Variants in IL11RA observed in about 807,000 individuals in gnomAD.
IL11RA encodes the protein interleukin-11 receptor subunit alpha.
Under a neutral mutation model 57.0 loss-of-function variants are expected in IL11RA, and 51 were observed. That is an observed-to-expected ratio of 0.89 (90% CI 0.71 to 1.13). IL11RA has a LOEUF of 1.13. Ranked by LOEUF, IL11RA falls within the 50% of genes most tolerant of loss-of-function variation. The pLI is 0.00. For missense variants in IL11RA, 498 were observed against 539.4 expected (o/e 0.92, Z 0.76); for synonymous variants, 199 against 217.5 (o/e 0.91, Z 0.75).
Position 34,655,299 on chromosome 9 carries a change from C to A in IL11RA, c.82C>A (p.Gln28Lys). The A allele has an allele frequency of 1.9e-6, 3 of 1,605,802 alleles. No individual in the cohort carries two copies. The highest frequency in any genetic ancestry group is 2.6e-6 in the Non-Finnish European group (3 of 1,174,146). Residue 28 changes from glutamine (Q) to lysine (K), a missense_variant, in exon 2 of 13, where the codon CAG becomes AAG. By Grantham distance (53) the Gln-to-Lys change is moderately conservative. Coordinates refer to ENST00000441545, the MANE Select transcript of IL11RA (RefSeq NM_001142784.3). ...ALVSASSPCPQAWGPPGVQYG... is the reference protein window; with the variant it reads ...ALVSASSPCPKAWGPPGVQYG... ...GGTGTCTGCCTCCTCCCCCTGCCCC[C>A]AGGCCTGGGGCCCCCCAGGTGAGAA... is the stretch of plus-strand genomic sequence containing the variant.
intron 7 of IL11RA, 101 bp downstream of exon 7, chr9:34,657,688 G>T (rs1360935423): frequency 6.8e-6 from 8 of 1,180,282 alleles, no homozygotes; most frequent in African/African-American, 1.5e-5. Flanking sequence ...TCCCAACCTA[G>T]ACTCCATTTC....
chr9:34,655,143 T>A (rs1381197658), intron 1 of IL11RA, 75 bp from the exon 2 acceptor site: 78 of 1,064,826 alleles, frequency 7.3e-5, no homozygotes, highest in Non-Finnish European at 1.0e-4. Flanking sequence ...GAAGCCTCAG[T>A]TTTGGAGAGG....
At position 34,660,331 on chromosome 9, in the gene IL11RA, A is replaced by T; in HGVS notation, c.1010A>T (p.Glu337Val). The T allele has an allele frequency of 6.2e-7, 1 of 1,614,218 alleles. No individual in the cohort carries two copies. The highest frequency in any genetic ancestry group is 8.5e-7 in the Non-Finnish European group (1 of 1,180,020). ...CAGCTACACACGCAGCCAGAGGTGG[A>T]GCCTCAGGTGGACAGCCCTGCTCCT... ...WGQLHTQPEVEPQVDSPAPPR... is the reference protein window; with the variant it reads ...WGQLHTQPEVVPQVDSPAPPR... Residue 337 changes from glutamate (E) to valine (V), a missense_variant, in exon 10 of 13, where the codon GAG (glutamate) becomes GTG (valine). By Grantham distance (121) the Glu-to-Val change is moderately radical. Transcript: ENST00000441545.
chr9:34,660,140 G>A (rs1821424228), intron 9 of IL11RA, 134 bp from the exon 10 acceptor site: 4 of 1,386,732 alleles, frequency 2.9e-6, no homozygotes, highest in Admixed American at 1.7e-5. Flanking sequence ...ATGCTCCCTA[G>A]GAGCTGGCCA....
intron 11 of IL11RA, 120 bp downstream of exon 11, chr9:34,660,720 C>A: frequency 8.7e-7 from 1 of 1,151,328 alleles, no homozygotes; most frequent in Non-Finnish European, 1.3e-6. Flanking sequence ...CTGGAACTAC[C>A]TCCCCATACC....
In IL11RA at chr9:34,660,845, A is replaced by G. The variant is rs1821441907; in HGVS notation, c.1170-9A>G. 6 of 1,613,198 alleles carry G rather than the reference A, an allele frequency of 3.7e-6. No individual in the cohort carries two copies. The highest frequency in any genetic ancestry group is 4.2e-6 in the Non-Finnish European group (5 of 1,179,118). ...TTGTTGGAGAGACAGCTGCCTTTCT[A>G]TGCCCCAGGCTGAGGCTGAGACGGG... On this transcript the variant is annotated splice_polypyrimidine_tract_variant and intron_variant, in intron 11 of 12. Transcript: ENST00000441545.
chr9:34,653,230 G>A lies in IL11RA; in HGVS notation c.-1+997G>A, dbSNP rs1393658030. The stretch of plus-strand genomic sequence containing the variant: ...TGTGTGCGTGTGTGACTGCGTGAGT[G>A]TATGAATATGTGTAAGTGTGTCTGA... On this transcript the variant is annotated intron_variant, in intron 1 of 12. Coordinates refer to ENST00000441545, the MANE Select transcript of IL11RA (RefSeq NM_001142784.3). The surrounding 1 kb of genome is among the most constrained non-coding windows in gnomAD (Gnocchi z 4.5). Among the ~76,000 whole-genome samples the A allele has an allele frequency of 6.6e-6, 1 of 152,202 alleles. No homozygotes were observed. The highest frequency in any genetic ancestry group is 1.5e-5 in the Non-Finnish European group (1 of 68,038).
chr9:34,655,757 C>A, intron 3 of IL11RA, 92 bp downstream of exon 3: 1 of 1,057,880 alleles, frequency 9.5e-7, no homozygotes, highest in Non-Finnish European at 1.5e-6. Context: ...TCCTTGCCCG[C>A]TCTGTCCGTA....
intron 3 of IL11RA, chr9:34,656,034 C>CTT (rs556829448): frequency 0.011 from 2,693 of 254,078 alleles, 1 homozygote; most frequent in Middle Eastern, 0.018. Context: ...TGAGTGGTTA[C>CTT]TTTTTTTTTT....
At chr9:34,657,617 C>T in intron 7 of IL11RA, 30 bp downstream of exon 7, 1 of 1,605,140 alleles carries the variant, frequency 6.2e-7, no homozygotes, top group Admixed American at 1.7e-5. Context: ...CTCCCCCAGA[C>T]CCCCATCACA....
chr9:34,661,060 T>G, intron 12 of IL11RA, 124 bp downstream of exon 12: 1 of 813,916 alleles, frequency 1.2e-6, no homozygotes, highest in East Asian at 2.5e-5. Flanking sequence ...GGTCTCCTCA[T>G]TTTAATGATG....
rs962234538 is a variant in IL11RA, at chr9:34,658,097, G to A, written c.647-423G>A. On this transcript the variant is annotated intron_variant, in intron 7 of 12. Coordinates refer to ENST00000441545, the MANE Select transcript of IL11RA (RefSeq NM_001142784.3). The surrounding 1 kb of genome is among the most constrained non-coding windows in gnomAD (Gnocchi z 4.0). ...TTGTGCCCAGGCTGGATGAAGTTCA[G>A]TGGTGTGATCTTGGCTCACTGAAGC... Among the ~76,000 whole-genome samples, 1 of 152,146 alleles carries A rather than the reference G, an allele frequency of 6.6e-6. No individual in the cohort carries two copies. The highest frequency in any genetic ancestry group is 2.4e-5 in the African/African-American group (1 of 41,432).
At chr9:34,655,547 C>G in intron 2 of IL11RA, 58 bp from the exon 3 acceptor site, 1 of 1,507,098 alleles carries the variant, frequency 6.6e-7, no homozygotes. Flanking sequence ...ATCTGTCATT[C>G]TCACAAAGTG....
At chr9:34,655,561 A>T (rs538790943) in intron 2 of IL11RA, 44 bp from the exon 3 acceptor site, 1 of 1,563,682 alleles carries the variant, frequency 6.4e-7, no homozygotes, top group South Asian at 1.1e-5. Context: ...CAAAGTGGGG[A>T]GGGGGGTAAA....
At chr9:34,652,710 G>A (rs146200496) in intron 1 of IL11RA, among the ~76,000 whole-genome samples, 4 of 152,194 alleles carry the variant, frequency 2.6e-5, no homozygotes, top group African/African-American at 9.6e-5. Flanking sequence ...AACTTAAACC[G>A]TGTGGGAGTA....
Position 34,657,301 on chromosome 9 carries a change from A to G in IL11RA, c.447-2A>G. 6.2e-7 allele frequency: 1 copy of G among 1,614,178 alleles called. No individual in the cohort carries two copies. The highest frequency in any genetic ancestry group is 1.1e-5 in the South Asian group (1 of 91,088). On this transcript the variant is annotated splice_acceptor_variant, in intron 5 of 12. Coordinates refer to ENST00000441545, the MANE Select transcript of IL11RA (RefSeq NM_001142784.3). LOFTEE classifies it high-confidence loss of function. ...GACTTCAGATGGCCCCCTCCCCACCAGGAAGAAGACAGTCCTAGGAGCTGA... is the reference window on the plus strand; with the variant it reads ...GACTTCAGATGGCCCCCTCCCCACCGGGAAGAAGACAGTCCTAGGAGCTGA...
chr9:34,658,411 C>A lies in IL11RA; in HGVS notation c.647-109C>A. 1 of 1,100,676 alleles carries A rather than the reference C, an allele frequency of 9.1e-7. No homozygotes were observed. Among genetic ancestry groups the A allele is most frequent in the Non-Finnish European group, 1.4e-6 (1 of 716,580 alleles). 68.2% of individuals were successfully genotyped at this position (1,100,676 alleles called of 1,614,324 possible). A position where few individuals can be genotyped will look rare whatever the true frequency, so the allele number is the denominator to read the frequency against. ...TGATCAAGTTTAAGATTTCCCCTCCCCTCTCAGGAGTGTCTGGCTAAGGCT... is the reference window on the plus strand; with the variant it reads ...TGATCAAGTTTAAGATTTCCCCTCCACTCTCAGGAGTGTCTGGCTAAGGCT... On this transcript the variant is annotated intron_variant, in intron 7 of 12. Transcript: ENST00000441545. The surrounding 1 kb of genome is among the most constrained non-coding windows in gnomAD (Gnocchi z 4.0).
chr9:34,659,563 CCTCT>C (rs1821410908), intron 8 of IL11RA, among the ~76,000 whole-genome samples, 192 bp from the exon 9 acceptor site: 3 of 152,172 alleles, frequency 2.0e-5, no homozygotes, highest in Admixed American at 6.5e-5. Flanking sequence ...GATGCCACAG[CCTCT>C]CTAAGTAATC....
chr9:34,657,154 G>A lies in IL11RA; in HGVS notation c.446+5G>A. ...CCGCTACCTCACCTCCTACAGGTGT[G>A]TGTGTGATTGGGTGTGGATGCCTAC... On this transcript the variant is annotated splice_donor_5th_base_variant and intron_variant, in intron 5 of 12. Transcript: ENST00000441545. 1 of 1,612,572 alleles carries A rather than the reference G, an allele frequency of 6.2e-7. No individual in the cohort carries two copies. The highest frequency in any genetic ancestry group is 1.1e-5 in the South Asian group (1 of 91,066).
Sources: allele counts gnomAD v4.1 joint callset (sites outside exome capture counted in the v4.1 genomes callset), GRCh38; gene constraint gnomAD v4.1.1; non-coding constraint Gnocchi (gnomAD v3.1); transcripts MANE v1.5; gene names NCBI Gene and HGNC (gene_info 2026-07-23, HGNC 2026-07-21).